GRIN2A: variants seen among roughly 807,000 people sequenced by gnomAD.
GRIN2A encodes the protein glutamate ionotropic receptor NMDA type subunit 2A.
In GRIN2A, 22 loss-of-function variants were observed where a neutral mutation model predicts 113.4. The ratio of observed to expected loss-of-function variants is 0.19; its 90% confidence interval spans 0.14 to 0.28. The LOEUF is 0.28. Ranked by LOEUF, GRIN2A falls within the 10% of genes least tolerant of loss-of-function variation. The pLI, the probability that GRIN2A is intolerant of heterozygous loss-of-function variation, is 1.00. For synonymous variants in GRIN2A, 827 were observed against 738.4 expected, an observed-to-expected ratio of 1.12 and a Z score of -1.94; for missense variants, 1,502 against 1,887.0, an observed-to-expected ratio of 0.80 and a Z score of 3.78.
intron 2 of GRIN2A, among the ~76,000 whole-genome samples, chr16:10,035,105 A>G (rs1283025860): frequency 1.3e-5 from 2 of 152,066 alleles, no homozygotes; most frequent in Non-Finnish European, 1.5e-5. Flanking sequence ...AACTCACTAC[A>G]GCCTTGAACT....
At chr16:10,122,465 A>G (rs1224482759) in intron 2 of GRIN2A, among the ~76,000 whole-genome samples, 5 of 151,996 alleles carry the variant, frequency 3.3e-5, no homozygotes, top group African/African-American at 1.2e-4. Flanking sequence ...TTTCTCCCAA[A>G]TCCTGTAATT....
intron 2 of GRIN2A, among the ~76,000 whole-genome samples, chr16:10,030,262 TC>T (rs1323896916): frequency 6.6e-6 from 1 of 152,198 alleles, no homozygotes; most frequent in Non-Finnish European, 1.5e-5. Context: ...CTCTCATCAT[TC>T]AATATTACTG....
At chr16:9,957,516 A>G in intron 2 of GRIN2A, among the ~76,000 whole-genome samples, 1 of 152,216 alleles carries the variant, frequency 6.6e-6, no homozygotes, top group Non-Finnish European at 1.5e-5. Context: ...AGACATTACC[A>G]GTAACAATAT....
At chr16:10,099,021 G>A (rs1314789679) in intron 2 of GRIN2A, among the ~76,000 whole-genome samples, 3 of 149,918 alleles carry the variant, frequency 2.0e-5, no homozygotes, top group Non-Finnish European at 4.4e-5. Flanking sequence ...TTCAGTTTGT[G>A]TTCTCCAAAT....
chr16:10,027,655 C>T (rs563471209), intron 2 of GRIN2A: 7 of 152,712 alleles, frequency 4.6e-5, no homozygotes, highest in African/African-American at 1.7e-4. Context: ...GAGGAGTCCT[C>T]GCTGGTGAGT....
chr16:10,074,012 G>C (rs993184404), intron 2 of GRIN2A, among the ~76,000 whole-genome samples: 3 of 151,456 alleles, frequency 2.0e-5, no homozygotes, highest in Non-Finnish European at 2.9e-5. Flanking sequence ...GGTACATAGA[G>C]AACACTCACA....
chr16:9,904,673 C>T (rs904424475), intron 3 of GRIN2A, among the ~76,000 whole-genome samples: 3 of 152,138 alleles, frequency 2.0e-5, no homozygotes, highest in Non-Finnish European at 2.9e-5. Flanking sequence ...GTGCCTGGCT[C>T]TTCCTCTTTT....
At chr16:9,999,824 C>T (rs2046290627) in intron 2 of GRIN2A, among the ~76,000 whole-genome samples, 1 of 152,162 alleles carries the variant, frequency 6.6e-6, no homozygotes, top group South Asian at 2.1e-4. Context: ...TTTCCATTTG[C>T]TGTTGTAACA....
At position 9,764,680 on chromosome 16, in the gene GRIN2A, A is replaced by G. The variant is rs778404336; in HGVS notation, c.2864T>C (p.Ile955Thr). 4.3e-6 allele frequency: 7 copies of G among 1,614,082 alleles called. No individual in the cohort carries two copies. The highest frequency in any genetic ancestry group is 1.1e-5 in the South Asian group (1 of 91,082). The change falls in exon 13 of 13, where the codon ATT becomes ACT. Residue 955 changes from isoleucine (I) to threonine (T), a missense_variant. Coordinates refer to ENST00000330684, the MANE Select transcript of GRIN2A (RefSeq NM_001134407.3). ...GAGTTCGTTCATGTTGTCTCCAAAAATGCTCTCTTTCCCCTGAAAGGACCT... is the reference window on the plus strand; with the variant it reads ...GAGTTCGTTCATGTTGTCTCCAAAAGTGCTCTCTTTCCCCTGAAAGGACCT... ...DNRSFQGKES[I>T]FGDNMNELQT...
intron 2 of GRIN2A, among the ~76,000 whole-genome samples, chr16:10,029,215 A>G (rs1267407583): frequency 6.6e-6 from 1 of 151,508 alleles, no homozygotes; most frequent in Non-Finnish European, 1.5e-5. Flanking sequence ...TTCTTTTCAG[A>G]CAGAGTTTCG....
In GRIN2A at chr16:9,938,025, G is replaced by C. The variant is rs2141629637; in HGVS notation, c.941C>G (p.Pro314Arg). 6.2e-7 allele frequency: 1 copy of C among 1,614,088 alleles called. No homozygotes were observed. Among genetic ancestry groups the C allele is most frequent in the Non-Finnish European group, 8.5e-7 (1 of 1,180,000 alleles). Residue 314 changes from proline (P) to arginine (R), a missense_variant, in exon 3 of 13, where the codon CCC becomes CGC. Physicochemically the swap from Pro to Arg is moderately radical, Grantham distance 103. This residue lies in a region of GRIN2A where 334 missense variants were observed against 403.0 expected (regional missense o/e 0.83). Coordinates refer to ENST00000330684, the MANE Select transcript of GRIN2A (RefSeq NM_001134407.3). Reference sequence around the variant, plus strand: ...CCCGTAGCAGCTGGCCTTGGCCTCGGGGATGTAGGAGAACTTCTCCAGCAT... The same window carrying C: ...CCCGTAGCAGCTGGCCTTGGCCTCGCGGATGTAGGAGAACTTCTCCAGCAT... ...SSMLEKFSYI[P>R]EAKASCYGQM...
intron 2 of GRIN2A, among the ~76,000 whole-genome samples, chr16:10,115,629 CA>C (rs751741465): frequency 1.1e-4 from 17 of 152,182 alleles, no homozygotes; most frequent in Non-Finnish European, 2.1e-4. Context: ...TATAATTCTG[CA>C]GGTGAAATTT....
chr16:9,900,901 C>T (rs913170329), intron 3 of GRIN2A, among the ~76,000 whole-genome samples: 2 of 152,120 alleles, frequency 1.3e-5, no homozygotes, highest in Admixed American at 6.5e-5. Flanking sequence ...TGTAACGTGG[C>T]GTGCATTTCC....
intron 2 of GRIN2A, among the ~76,000 whole-genome samples, chr16:10,132,812 C>T (rs2049094553): frequency 6.6e-6 from 1 of 152,210 alleles, no homozygotes; most frequent in Non-Finnish European, 1.5e-5. Flanking sequence ...GCTGCTGTAA[C>T]AAATTGCCAT....
rs772325355 is a variant in GRIN2A, at chr16:9,831,584, C to T, written c.1778-1932G>A. ...AGGCTGCAGTGCAGTGGCACAATCT[C>T]GGCTCACTGCAGCCTCCACTTCCCG... On this transcript the variant is annotated intron_variant, in intron 8 of 12. Transcript: ENST00000330684. 6.2e-4 allele frequency among the ~76,000 whole-genome samples: 92 copies of T among 147,814 alleles called. 1 individual carries two copies. The highest frequency in any genetic ancestry group is 2.2e-4 in the Non-Finnish European group (15 of 67,388).
intron 2 of GRIN2A, among the ~76,000 whole-genome samples, chr16:10,129,719 T>C (rs563590711): frequency 3.3e-5 from 5 of 152,330 alleles, no homozygotes; most frequent in African/African-American, 1.2e-4. Flanking sequence ...CAGCAAGCAA[T>C]TGATTTTAAT....
At chr16:9,930,372 GATA>G (rs1045938489) in intron 3 of GRIN2A, among the ~76,000 whole-genome samples, 2 of 152,188 alleles carry the variant, frequency 1.3e-5, no homozygotes. Flanking sequence ...GAATAACCCA[GATA>G]ATAAGAGGGT....
chr16:10,124,705 G>T (rs1311498862), intron 2 of GRIN2A, among the ~76,000 whole-genome samples: 1 of 152,120 alleles, frequency 6.6e-6, no homozygotes, highest in Admixed American at 6.5e-5. Flanking sequence ...TTATAAGTTG[G>T]CCCGTGTGTC....
intron 2 of GRIN2A, among the ~76,000 whole-genome samples, chr16:10,098,101 A>AC (rs2142100259): frequency 6.6e-6 from 1 of 152,310 alleles, no homozygotes; most frequent in East Asian, 1.9e-4. Context: ...AGAAAAAAAA[A>AC]CAATTAGCAA....
Sources: allele counts gnomAD v4.1 joint callset (sites outside exome capture counted in the v4.1 genomes callset), GRCh38; gene constraint gnomAD v4.1.1; regional missense constraint gnomAD v4.1.1; transcripts MANE v1.5; gene names NCBI Gene and HGNC (gene_info 2026-07-23, HGNC 2026-07-21).